Variants in PCDHA9 observed in about 807,000 individuals in gnomAD.
PCDHA9 encodes the protein protocadherin alpha 9.
In PCDHA9, 62 loss-of-function variants were observed where a neutral mutation model predicts 62.0. That is an observed-to-expected ratio of 1.00 (90% confidence interval 0.81 to 1.23). The LOEUF (loss-of-function observed/expected upper bound fraction) is 1.23, where lower values mean the gene tolerates loss of function less well. Among genes scored for constraint, PCDHA9 ranks in the 50% most tolerant of loss-of-function variants. The pLI, the probability that PCDHA9 is intolerant of heterozygous loss-of-function variation, is 0.00. For synonymous variants in PCDHA9, 557 were observed against 567.6 expected (o/e 0.98, Z 0.27); for missense variants, 1,205 against 1,249.8 (o/e 0.96, Z 0.54).
intron 1 of PCDHA9, chr5:140,857,107 T>C (rs1206126233): frequency 6.3e-7 from 1 of 1,597,628 alleles, no homozygotes; most frequent in Non-Finnish European, 8.6e-7. Flanking sequence ...TTGTCACTTC[T>C]CTGTCTCTCC....
chr5:140,903,431 A>G (rs1431018780), intron 1 of PCDHA9, among the ~76,000 whole-genome samples: 3 of 152,242 alleles, frequency 2.0e-5, no homozygotes, highest in South Asian at 2.1e-4. Context: ...CACAATATGT[A>G]TCAGTGGAAT....
chr5:140,971,642 A>G (rs1586490477), intron 1 of PCDHA9, among the ~76,000 whole-genome samples: 1 of 152,330 alleles, frequency 6.6e-6, no homozygotes, highest in East Asian at 1.9e-4. Flanking sequence ...ATGTGCCTAC[A>G]TTAAAAGTAG....
chr5:140,857,428 G>T (rs782142394), intron 1 of PCDHA9: 3 of 1,598,342 alleles, frequency 1.9e-6, no homozygotes, highest in Non-Finnish European at 2.6e-6. Context: ...CCGAGTACAC[G>T]GTGTTCGTGA....
intron 1 of PCDHA9, among the ~76,000 whole-genome samples, chr5:140,964,891 G>A (rs76642459): frequency 0.016 from 2,494 of 152,302 alleles, 68 homozygotes; most frequent in African/African-American, 0.056. Context: ...AGTGATAGGA[G>A]GCTGGGCGCT....
chr5:140,951,548 G>A (rs1314618918), intron 1 of PCDHA9, among the ~76,000 whole-genome samples: 1 of 151,910 alleles, frequency 6.6e-6, no homozygotes, highest in African/African-American at 2.4e-5. Flanking sequence ...AGGGACGGGG[G>A]GAAGTGCTAC....
chr5:140,964,909 A>G (rs1164322313), intron 1 of PCDHA9, among the ~76,000 whole-genome samples: 1 of 152,208 alleles, frequency 6.6e-6, no homozygotes, highest in African/African-American at 2.4e-5. Context: ...GCTTCTCTGG[A>G]ATAACACTGG....
Position 140,877,183 on chromosome 5 carries a change from G to A in PCDHA9, c.2394+26294G>A, listed in dbSNP as rs201399892. 787 of 1,613,846 alleles carry A rather than the reference G, an allele frequency of 4.9e-4. 5 individuals are homozygous for A. The African/African-American group carries it at 9.2e-3, about 19-fold the overall frequency. ...GCCGGCACTGCTGGCGACTCCGGCT[G>A]GCAGCGCAGGAGGCGCAGTTAGCGA... On this transcript the variant is annotated intron_variant, in intron 1 of 3. Transcript: ENST00000532602.
Position 140,893,828 on chromosome 5 carries a change from C to T in PCDHA9, c.2394+42939C>T, listed in dbSNP as rs144587014. Among the ~76,000 whole-genome samples the T allele has an allele frequency of 1.9e-3, 290 of 152,282 alleles. 1 individual carries two copies. Among genetic ancestry groups the T allele is most frequent in the African/African-American group, 6.6e-3 (275 of 41,556 alleles). ...CTTGAGTCTGGTACCGTAGACTACT[C>T]AGCCATCCTGATGCCCTACCTCTTG... On this transcript the variant is annotated intron_variant, in intron 1 of 3. Coordinates refer to ENST00000532602, the MANE Select transcript of PCDHA9 (RefSeq NM_031857.2).
chr5:140,870,206 T>G (rs1554163904), intron 1 of PCDHA9: 2 of 1,614,182 alleles, frequency 1.2e-6, no homozygotes, highest in Admixed American at 3.3e-5. Flanking sequence ...AGCACGGTCA[T>G]TGCCCTGATC....
intron 1 of PCDHA9, among the ~76,000 whole-genome samples, chr5:140,952,614 T>C (rs1381315866): frequency 6.6e-6 from 1 of 152,170 alleles, no homozygotes; most frequent in African/African-American, 2.4e-5. Flanking sequence ...CTCTCCCTCA[T>C]CTTCCCTCCA....
chr5:140,950,512 G>T (rs1239372084), intron 1 of PCDHA9, among the ~76,000 whole-genome samples: 11 of 152,016 alleles, frequency 7.2e-5, no homozygotes, highest in Non-Finnish European at 7.4e-5. Context: ...TATTCCCTGT[G>T]TGCGATATGA....
At chr5:140,898,705 A>G (rs1351081569) in intron 1 of PCDHA9, among the ~76,000 whole-genome samples, 2 of 152,142 alleles carry the variant, frequency 1.3e-5, no homozygotes, top group African/African-American at 4.8e-5. Flanking sequence ...ACTTTAAAGT[A>G]GTTTTTTCCA....
rs543512832 is a variant in PCDHA9 at position 140,899,964 on chromosome 5, T to C, written c.2394+49075T>C. On this transcript the variant is annotated intron_variant, in intron 1 of 3. Coordinates refer to ENST00000532602, the MANE Select transcript of PCDHA9 (RefSeq NM_031857.2). Reference sequence around the variant, plus strand: ...CTGGGACCACAGGCATGTGCTGCCATGCCCAGCTACTTTTTTGATTTTTTT... The same window carrying C: ...CTGGGACCACAGGCATGTGCTGCCACGCCCAGCTACTTTTTTGATTTTTTT... 3.3e-5 allele frequency among the ~76,000 whole-genome samples: 5 copies of C among 151,940 alleles called. No individual in the cohort carries two copies. In the South Asian group the frequency reaches 6.2e-4, roughly 19 times the overall value.
intron 1 of PCDHA9, among the ~76,000 whole-genome samples, chr5:140,919,699 C>T (rs946203919): frequency 3.3e-5 from 5 of 152,084 alleles, no homozygotes; most frequent in African/African-American, 1.2e-4. Context: ...TTTATATTAA[C>T]TTAATTCTAG....
chr5:140,977,564 A>G (rs2096766034), intron 1 of PCDHA9, among the ~76,000 whole-genome samples: 1 of 152,178 alleles, frequency 6.6e-6, no homozygotes, highest in African/African-American at 2.4e-5. Flanking sequence ...TTGCTAGCAG[A>G]TTGGTAGAAT....
rs782017107 is a variant in PCDHA9 at position 140,968,690 on chromosome 5, A to G, written c.2395-10259A>G. ...TAAGGTAGAGCTGCACACAGGAGAAATTAGGACTACCAGGAAGATGGGAGA... is the reference window on the plus strand; with the variant it reads ...TAAGGTAGAGCTGCACACAGGAGAAGTTAGGACTACCAGGAAGATGGGAGA... On this transcript the variant is annotated intron_variant, in intron 1 of 3. Transcript: ENST00000532602. 60 of 1,614,030 alleles carry G rather than the reference A, an allele frequency of 3.7e-5. No individual in the cohort carries two copies. The highest frequency in any genetic ancestry group is 4.8e-5 in the Non-Finnish European group (57 of 1,180,040).
intron 3 of PCDHA9, among the ~76,000 whole-genome samples, chr5:141,007,525 G>C (rs782132903): frequency 1.3e-4 from 19 of 151,814 alleles, no homozygotes; most frequent in Non-Finnish European, 2.5e-4. Context: ...CTGATATCTC[G>C]CCACTGCACT....
intron 3 of PCDHA9, among the ~76,000 whole-genome samples, chr5:141,006,608 G>A (rs2098279719): frequency 6.6e-6 from 1 of 152,200 alleles, no homozygotes; most frequent in African/African-American, 2.4e-5. Flanking sequence ...GAAGCAGACT[G>A]AATAAGGAGA....
intron 1 of PCDHA9, among the ~76,000 whole-genome samples, chr5:140,897,693 G>A (rs1327367730): frequency 6.6e-6 from 1 of 152,008 alleles, no homozygotes; most frequent in African/African-American, 2.4e-5. Context: ...TAGTCCTTTG[G>A]GCATATACCC....
Sources: allele counts gnomAD v4.1 joint callset (sites outside exome capture counted in the v4.1 genomes callset), GRCh38; gene constraint gnomAD v4.1.1; transcripts MANE v1.5; gene names NCBI Gene and HGNC (gene_info 2026-07-23, HGNC 2026-07-21).